Variants in BTRC observed in about 807,000 individuals in gnomAD.
BTRC encodes the protein F-box/WD repeat-containing protein 1A.
BTRC carries 42 observed loss-of-function variants against 85.5 expected under a neutral mutation model. The observed-to-expected ratio is 0.49, with a 90% CI of 0.38 to 0.64. The LOEUF (loss-of-function observed/expected upper bound fraction) is 0.64, where lower values mean the gene tolerates loss of function less well. Among genes scored for constraint, BTRC ranks in the 30% least tolerant of loss-of-function variants. The probability of loss-of-function intolerance (pLI) is 0.00; values close to 1 mark genes in which losing one functional copy is unlikely to be tolerated. For missense variants in BTRC, 594 were observed against 743.5 expected (o/e 0.80, Z 2.34); for synonymous variants, 255 against 263.3 (o/e 0.97, Z 0.30).
intron 1 of BTRC, among the ~76,000 whole-genome samples, chr10:101,424,590 A>T (rs1944199176): frequency 6.6e-6 from 1 of 152,080 alleles, no homozygotes; most frequent in Non-Finnish European, 1.5e-5. Context: ...AGATTTTGTC[A>T]TTCAGCTTTC....
At chr10:101,417,524 A>C (rs1030513334) in intron 1 of BTRC, among the ~76,000 whole-genome samples, 1 of 152,240 alleles carries the variant, frequency 6.6e-6, no homozygotes, top group Non-Finnish European at 1.5e-5. Flanking sequence ...TAGTGATATT[A>C]ATGTTGATTA....
At chr10:101,472,690 C>T (rs1945565323) in intron 3 of BTRC, among the ~76,000 whole-genome samples, 1 of 152,154 alleles carries the variant, frequency 6.6e-6, no homozygotes, top group East Asian at 1.9e-4. Context: ...TGGCGCACAC[C>T]TGTAGTCCCA....
At chr10:101,399,570 T>G (rs1943447008) in intron 1 of BTRC, among the ~76,000 whole-genome samples, 1 of 152,198 alleles carries the variant, frequency 6.6e-6, no homozygotes, top group Non-Finnish European at 1.5e-5. Context: ...CCCACTGGAA[T>G]GTCACAATGC....
At chr10:101,462,714 C>T (rs1356532579) in intron 3 of BTRC, among the ~76,000 whole-genome samples, 2 of 151,378 alleles carry the variant, frequency 1.3e-5, no homozygotes, top group African/African-American at 4.9e-5. Context: ...ACCACTGTGC[C>T]CCAATAGAAG....
intron 1 of BTRC, among the ~76,000 whole-genome samples, chr10:101,355,267 A>G (rs1002569692): frequency 2.0e-5 from 3 of 152,168 alleles, no homozygotes; most frequent in Non-Finnish European, 4.4e-5. Context: ...AGGTTGGTAG[A>G]GGGAAGTAAG....
At chr10:101,426,156 A>G (rs1486785356) in intron 1 of BTRC, among the ~76,000 whole-genome samples, 1 of 152,232 alleles carries the variant, frequency 6.6e-6, no homozygotes, top group African/African-American at 2.4e-5. Flanking sequence ...GTGAAGATAG[A>G]AGGGAAACAG....
At chr10:101,419,726 G>A (rs180882975) in intron 1 of BTRC, among the ~76,000 whole-genome samples, 18 of 152,188 alleles carry the variant, frequency 1.2e-4, no homozygotes, top group African/African-American at 3.6e-4. Flanking sequence ...GGGAAACATC[G>A]GGGGGCATGT....
chr10:101,378,485 C>T (rs1478452785), intron 1 of BTRC, among the ~76,000 whole-genome samples: 5 of 150,474 alleles, frequency 3.3e-5, no homozygotes, highest in South Asian at 2.1e-4. Context: ...TATTTGCTAC[C>T]GAGTTCTCAG....
At chr10:101,420,519 A>C (rs1944071664) in intron 1 of BTRC, among the ~76,000 whole-genome samples, 1 of 151,388 alleles carries the variant, frequency 6.6e-6, no homozygotes, top group South Asian at 2.1e-4. Context: ...CCCACCCTCC[A>C]CTGCCCTGTG....
At chr10:101,529,651 A>G (rs2062251254) in intron 6 of BTRC, among the ~76,000 whole-genome samples, 1 of 151,950 alleles carries the variant, frequency 6.6e-6, no homozygotes, top group South Asian at 2.1e-4. Flanking sequence ...CCCTTTTTAT[A>G]AGTATTATTT....
intron 4 of BTRC, among the ~76,000 whole-genome samples, chr10:101,499,700 A>T (rs1004750541): frequency 6.6e-6 from 1 of 151,216 alleles, no homozygotes; most frequent in African/African-American, 2.4e-5. Flanking sequence ...GTCTATTCTG[A>T]TATCAGCCCA....
chr10:101,424,888 A>C (rs1206074449), intron 1 of BTRC, among the ~76,000 whole-genome samples: 3 of 152,150 alleles, frequency 2.0e-5, no homozygotes, highest in Non-Finnish European at 4.4e-5. Context: ...TTGGAGTCTG[A>C]GTGAATCTCA....
intron 2 of BTRC, among the ~76,000 whole-genome samples, chr10:101,455,234 TTA>T (rs1375921335): frequency 6.7e-6 from 1 of 149,458 alleles, no homozygotes; most frequent in Non-Finnish European, 1.5e-5. Context: ...TTTTTTTTTT[TTA>T]TGTAGAGGTA....
At chr10:101,525,887 C>G in intron 5 of BTRC, 126 bp from the exon 6 acceptor site, 1 of 846,624 alleles carries the variant, frequency 1.2e-6, no homozygotes. Flanking sequence ...AGAAACTGGA[C>G]CACACTAGGG....
chr10:101,396,813 T>C (rs1478732180), intron 1 of BTRC, among the ~76,000 whole-genome samples: 3 of 151,854 alleles, frequency 2.0e-5, no homozygotes, highest in Non-Finnish European at 4.4e-5. Flanking sequence ...GATTTTTTTT[T>C]TTTTTTTGAG....
At chr10:101,533,544 A>C (rs1201913370) in intron 9 of BTRC, among the ~76,000 whole-genome samples, 2 of 152,094 alleles carry the variant, frequency 1.3e-5, no homozygotes, top group Non-Finnish European at 2.9e-5. Flanking sequence ...AGGGGCCCTC[A>C]ATTTCCAGAG....
At chr10:101,437,855 T>G (rs1944572516) in intron 2 of BTRC, among the ~76,000 whole-genome samples, 1 of 152,140 alleles carries the variant, frequency 6.6e-6, no homozygotes, top group South Asian at 2.1e-4. Context: ...AAAAAACCCC[T>G]CCACAAACAC....
intron 13 of BTRC, among the ~76,000 whole-genome samples, chr10:101,543,924 G>A (rs1311687249): frequency 6.6e-6 from 1 of 152,002 alleles, no homozygotes; most frequent in Non-Finnish European, 1.5e-5. Context: ...TTGTTTGTTT[G>A]TTTGAGACGG....
chr10:101,375,689 G>T (rs1391840973), intron 1 of BTRC, among the ~76,000 whole-genome samples: 3 of 152,188 alleles, frequency 2.0e-5, no homozygotes, highest in Non-Finnish European at 2.9e-5. Flanking sequence ...GATTCATTCA[G>T]CCTATACTGA....
Sources: gnomAD v4.1 joint callset for allele counts (sites outside exome capture counted in the v4.1 genomes callset) on GRCh38, gnomAD v4.1.1 for gene constraint, MANE v1.5 for transcripts, NCBI Gene and HGNC (gene_info 2026-07-23, HGNC 2026-07-21) for gene names.